ZNF98: variants seen among roughly 807,000 people sequenced by gnomAD.
ZNF98 encodes zinc finger protein 98.
Under a neutral mutation model 12.8 loss-of-function variants are expected in ZNF98, and 8 were observed. The observed-to-expected ratio is 0.63, with a 90% CI of 0.37 to 1.13. ZNF98 has a LOEUF of 1.13. Ranked by LOEUF, ZNF98 falls within the 50% of genes most tolerant of loss-of-function variation. ZNF98 has a pLI of 0.01. For synonymous variants in ZNF98, 112 were observed against 223.5 expected (o/e 0.50, Z 4.45); for missense variants, 379 against 666.1 (o/e 0.57, Z 4.74).
intron 3 of ZNF98, among the ~76,000 whole-genome samples, chr19:22,401,724 A>G (rs1027030660): frequency 1.3e-5 from 2 of 150,984 alleles, no homozygotes; most frequent in African/African-American, 4.9e-5. Context: ...ACCTCAGGTG[A>G]TCCACCTGCC....
intron 1 of ZNF98, among the ~76,000 whole-genome samples, chr19:22,407,267 G>C (rs532461449): frequency 6.6e-6 from 1 of 151,826 alleles, no homozygotes; most frequent in African/African-American, 2.4e-5. Context: ...TTGTTGGCCA[G>C]GTTGGTTTCG....
intron 1 of ZNF98, among the ~76,000 whole-genome samples, chr19:22,410,360 T>C (rs1969567342): frequency 6.6e-6 from 1 of 152,124 alleles, no homozygotes; most frequent in Non-Finnish European, 1.5e-5. Flanking sequence ...CAAATGCCCA[T>C]CAATGACAGA....
rs528539220 is a variant in ZNF98, at chr19:22,391,335, T to C, written c.*181A>G. ...TGCAGATATTAATCACTTTTTTACT[T>C]TCTTTATATTTGTACATTTGTTCTC... On this transcript the variant is annotated 3_prime_UTR_variant, in exon 4 of 4. Transcript: ENST00000357774. 31 of 1,299,538 alleles carry C rather than the reference T, an allele frequency of 2.4e-5. No homozygotes were observed. In the African/African-American group the frequency reaches 4.3e-4, roughly 18 times the overall value. 80.5% of individuals were successfully genotyped at this position (1,299,538 alleles called of 1,614,324 possible). A position where few individuals can be genotyped will look rare whatever the true frequency, so the allele number is the denominator to read the frequency against.
intron 3 of ZNF98, among the ~76,000 whole-genome samples, chr19:22,400,617 G>A (rs1400978420): frequency 6.6e-6 from 1 of 151,452 alleles, no homozygotes. Flanking sequence ...CCATCACCCT[G>A]GGGGCTCAAC....
intron 3 of ZNF98, among the ~76,000 whole-genome samples, chr19:22,397,280 A>G (rs963692563): frequency 6.6e-6 from 1 of 151,840 alleles, no homozygotes; most frequent in African/African-American, 2.4e-5. Context: ...CATTGACAGA[A>G]TAACAGAGAC....
chr19:22,393,957 A>C (rs1354930289), intron 3 of ZNF98, among the ~76,000 whole-genome samples: 1 of 151,548 alleles, frequency 6.6e-6, no homozygotes, highest in African/African-American at 2.4e-5. Context: ...GCAAACATCC[A>C]GAATCTACAA....
At chr19:22,405,774 G>A (rs979867063) in intron 1 of ZNF98, among the ~76,000 whole-genome samples, 7 of 152,100 alleles carry the variant, frequency 4.6e-5, no homozygotes, top group Admixed American at 4.6e-4. Flanking sequence ...CCCCGGGGAG[G>A]GGCAGCAACC....
At chr19:22,394,502 A>T (rs1969367798) in intron 3 of ZNF98, among the ~76,000 whole-genome samples, 1 of 152,198 alleles carries the variant, frequency 6.6e-6, no homozygotes, top group South Asian at 2.1e-4. Flanking sequence ...AATACTATGT[A>T]TTCATGAAAA....
chr19:22,400,988 G>C (rs1406371636), intron 3 of ZNF98, among the ~76,000 whole-genome samples: 1 of 144,152 alleles, frequency 6.9e-6, no homozygotes, highest in Non-Finnish European at 1.5e-5. Context: ...AAAAAAACAA[G>C]AAAAACTTGA....
chr19:22,411,930 T>A (rs572792025), intron 1 of ZNF98, among the ~76,000 whole-genome samples: 23 of 151,832 alleles, frequency 1.5e-4, no homozygotes, highest in South Asian at 4.2e-4. Context: ...ATAAATCAAG[T>A]TGTTAGAGAC....
chr19:22,417,618 G>A (rs528534935), intron 1 of ZNF98, among the ~76,000 whole-genome samples: 15 of 152,068 alleles, frequency 9.9e-5, no homozygotes, highest in Admixed American at 3.9e-4. Flanking sequence ...ATGAACAGGT[G>A]GTCCAGAACC....
intron 1 of ZNF98, among the ~76,000 whole-genome samples, chr19:22,412,054 C>T (rs1418303030): frequency 6.6e-6 from 1 of 152,188 alleles, no homozygotes; most frequent in Non-Finnish European, 1.5e-5. Flanking sequence ...GACCTAAACT[C>T]AACACCTGAC....
intron 1 of ZNF98, among the ~76,000 whole-genome samples, chr19:22,414,446 GA>G (rs1969618088): frequency 1.3e-5 from 2 of 151,906 alleles, no homozygotes; most frequent in East Asian, 1.9e-4. Flanking sequence ...AATCATAAGC[GA>G]AAAGAACAAA....
chr19:22,422,186 C>G lies in ZNF98; in HGVS notation c.30+9G>C, dbSNP rs1292792159. On this transcript the variant is annotated intron_variant, in intron 1 of 3. Transcript: ENST00000357774. Reference sequence around the variant, plus strand: ...TCCTCTCTAGGGATGTCGGACTCGGCACTCTCACCATTTCTAGGCTTCCAA... The same window carrying G: ...TCCTCTCTAGGGATGTCGGACTCGGGACTCTCACCATTTCTAGGCTTCCAA... 1.2e-6 allele frequency: 2 copies of G among 1,612,882 alleles called. No homozygotes were observed. The highest frequency in any genetic ancestry group is 2.7e-5 in the African/African-American group (2 of 75,010).
intron 1 of ZNF98, among the ~76,000 whole-genome samples, chr19:22,418,616 C>T (rs140251759): frequency 0.019 from 2,868 of 152,308 alleles, 94 homozygotes; most frequent in African/African-American, 0.065. Flanking sequence ...CAGTGGCTCA[C>T]GCCTGTAATC....
intron 1 of ZNF98, among the ~76,000 whole-genome samples, chr19:22,406,870 T>C (rs568858357): frequency 1.3e-5 from 2 of 151,800 alleles, no homozygotes; most frequent in African/African-American, 4.8e-5. Context: ...CAAGAGTGCC[T>C]CTTCTCCAAA....
chr19:22,402,529 GC>G (rs753532358), intron 3 of ZNF98: 56 of 450,894 alleles, frequency 1.2e-4, no homozygotes, highest in African/African-American at 9.4e-4. Flanking sequence ...TCTCTTATGT[GC>G]CATGAAGAGG....
At chr19:22,422,107 G>C in intron 1 of ZNF98, 88 bp downstream of exon 1, 1 of 1,519,474 alleles carries the variant, frequency 6.6e-7, no homozygotes, top group Admixed American at 1.7e-5. Flanking sequence ...GCTGACAGCG[G>C]GGAGGCCTGA....
chr19:22,414,208 T>A (rs1969613063), intron 1 of ZNF98, among the ~76,000 whole-genome samples: 1 of 118,952 alleles, frequency 8.4e-6, no homozygotes, highest in African/African-American at 3.4e-5. Context: ...CACTCTAGCC[T>A]GGGTGAAGAG....
Sources: allele counts gnomAD v4.1 joint callset (sites outside exome capture counted in the v4.1 genomes callset), GRCh38; gene constraint gnomAD v4.1.1; transcripts MANE v1.5; gene names NCBI Gene and HGNC (gene_info 2026-07-23, HGNC 2026-07-21).